Variants in ESS2 observed in about 807,000 individuals in gnomAD.
ESS2 encodes the protein ess-2 spliceosome associated protein, also known as splicing factor ESS-2 homolog.
A neutral mutation model predicts 52.0 loss-of-function variants in ESS2; 31 were observed. The ratio of observed to expected loss-of-function variants is 0.60; its 90% confidence interval spans 0.45 to 0.81. ESS2 has a LOEUF of 0.81. Ranked by LOEUF, ESS2 falls within the 30% of genes least tolerant of loss-of-function variation. ESS2 has a pLI of 0.00. For synonymous variants in ESS2, 285 were observed against 259.2 expected, an observed-to-expected ratio of 1.10 and a Z score of -0.95; for missense variants, 602 against 637.2, an observed-to-expected ratio of 0.94 and a Z score of 0.59.
In ESS2 at chr22:19,134,106, T is replaced by TG; in HGVS notation, c.*89dup. 7.3e-7 allele frequency: 1 copy of TG among 1,376,966 alleles called. No individual in the cohort carries two copies. The highest frequency in any genetic ancestry group is 9.4e-7 in the Non-Finnish European group (1 of 1,061,882). The allele number at this position is 1,376,966 out of a possible 1,614,324, so 85.3% of individuals were successfully genotyped here. A position where few individuals can be genotyped will look rare whatever the true frequency, so the allele number is the denominator to read the frequency against. The stretch of plus-strand genomic sequence containing the variant: ...TGGTCAACAGCTTCTGGCCCAGGCC[T>TG]GGGCCCCGAGAAGGCTGGAGTCCTC... On this transcript the variant is annotated 3_prime_UTR_variant, in exon 10 of 10. Transcript: ENST00000252137.
chr22:19,138,413 C>T (rs756141353), intron 6 of ESS2, 96 bp from the exon 7 acceptor site: 5 of 1,169,480 alleles, frequency 4.3e-6, no homozygotes, highest in Non-Finnish European at 6.3e-6. Flanking sequence ...GGAAACACTT[C>T]CTCTCCTCAG....
chr22:19,143,782 G>A (rs1479066576), intron 1 of ESS2, among the ~76,000 whole-genome samples: 1 of 152,180 alleles, frequency 6.6e-6, no homozygotes, highest in Non-Finnish European at 1.5e-5. Flanking sequence ...CTTGAACCCA[G>A]GAGGCAGAGG....
chr22:19,137,268 G>A, intron 8 of ESS2, 55 bp downstream of exon 8: 3 of 1,330,356 alleles, frequency 2.3e-6, no homozygotes, highest in Non-Finnish European at 2.1e-6. Context: ...AGGCACTCAG[G>A]GCTCCAGAGG....
In ESS2 at chr22:19,132,237, A is replaced by ACGT; in HGVS notation, c.*1956_*1958dup. On this transcript the variant is annotated 3_prime_UTR_variant, in exon 10 of 10. Coordinates refer to ENST00000252137, the MANE Select transcript of ESS2 (RefSeq NM_022719.3). This position sits in a 1 kb window ranked among gnomAD's most constrained non-coding sequence, Gnocchi z 4.2. The stretch of plus-strand genomic sequence containing the variant: ...GCTGCAGCCCCCCAAGCCCAAAGCC[A>ACGT]CGTCTTCTGCCTCCTTCAAGAGGGA... 6.2e-7 allele frequency: 1 copy of ACGT among 1,612,134 alleles called. No homozygotes were observed. The highest frequency in any genetic ancestry group is 8.5e-7 in the Non-Finnish European group (1 of 1,178,596).
Position 19,137,360 on chromosome 22 carries a change from G to GT in ESS2, c.997dup (p.Thr333AsnfsTer13). 1 of 1,613,750 alleles carries GT rather than the reference G, an allele frequency of 6.2e-7. No homozygotes were observed. Among genetic ancestry groups the GT allele is most frequent in the Non-Finnish European group, 8.5e-7 (1 of 1,179,834 alleles). ...GCCGGGTGTCCTGTCCACGTAGGGC[G>GT]TTTCCGACCCTTCAACTCTCAAGGG... On this transcript the variant is annotated frameshift_variant, in exon 8 of 10. Coordinates refer to ENST00000252137, the MANE Select transcript of ESS2 (RefSeq NM_022719.3). LOFTEE classifies it high-confidence loss of function.
intron 7 of ESS2, chr22:19,137,912 T>TA (rs1485501395): frequency 2.0e-6 from 2 of 985,182 alleles, no homozygotes; most frequent in Non-Finnish European, 2.4e-6. Context: ...TAGGTAGACT[T>TA]AGACTCATAA....
At chr22:19,138,744 A>G (rs1471895656) in intron 6 of ESS2, among the ~76,000 whole-genome samples, 1 of 152,150 alleles carries the variant, frequency 6.6e-6, no homozygotes. Flanking sequence ...ATCAGAGAGT[A>G]TCTACTCGTC....
Position 19,132,388 on chromosome 22 carries a change from A to C in ESS2, c.*1808T>G. The C allele has an allele frequency of 6.2e-7, 1 of 1,613,170 alleles. No homozygotes were observed. The highest frequency in any genetic ancestry group is 8.5e-7 in the Non-Finnish European group (1 of 1,179,996). On this transcript the variant is annotated 3_prime_UTR_variant, in exon 10 of 10. Coordinates refer to ENST00000252137, the MANE Select transcript of ESS2 (RefSeq NM_022719.3). This position sits in a 1 kb window ranked among gnomAD's most constrained non-coding sequence, Gnocchi z 4.2. The stretch of plus-strand genomic sequence containing the variant: ...CGGCTGCTGGTGGTGCCCGAGAACG[A>C]GAACAGGATGGAGGACAGGCTGGCC...
At chr22:19,143,775 G>C (rs947111370) in intron 1 of ESS2, among the ~76,000 whole-genome samples, 2 of 152,216 alleles carry the variant, frequency 1.3e-5, no homozygotes, top group Non-Finnish European at 2.9e-5. Context: ...AGAATGGCTT[G>C]AACCCAGGAG....
At chr22:19,141,282 A>C (rs925569820) in intron 3 of ESS2, among the ~76,000 whole-genome samples, 2 of 152,356 alleles carry the variant, frequency 1.3e-5, no homozygotes, top group Middle Eastern at 3.4e-3. Flanking sequence ...TGTTTGTGCA[A>C]ACACACAACA....
Position 19,132,046 on chromosome 22 carries a change from A to T in ESS2, c.*2150T>A. On this transcript the variant is annotated 3_prime_UTR_variant, in exon 10 of 10. Transcript: ENST00000252137. This position sits in a 1 kb window ranked among gnomAD's most constrained non-coding sequence, Gnocchi z 4.2. ...ATCATGGTCTGCGGCTCCATGCCCT[A>T]TGACGACTCCGACATCAGGAAGATG... 6 of 1,614,028 alleles carry T rather than the reference A, an allele frequency of 3.7e-6. No homozygotes were observed. The highest frequency in any genetic ancestry group is 5.1e-6 in the Non-Finnish European group (6 of 1,179,988).
In ESS2 at chr22:19,131,617, T is replaced by C; in HGVS notation, c.*2579A>G. Reference sequence around the variant, plus strand: ...GCAACTGTCAACCACGGCTCCATCATCAAGACTTACGAGATCTTTGAGACC... The same window carrying C: ...GCAACTGTCAACCACGGCTCCATCACCAAGACTTACGAGATCTTTGAGACC... On this transcript the variant is annotated 3_prime_UTR_variant, in exon 10 of 10. Transcript: ENST00000252137. The surrounding 1 kb of genome is among the most constrained non-coding windows in gnomAD (Gnocchi z 5.7). 1 of 1,614,078 alleles carries C rather than the reference T, an allele frequency of 6.2e-7. No homozygotes were observed. The highest frequency in any genetic ancestry group is 8.5e-7 in the Non-Finnish European group (1 of 1,180,012).
intron 3 of ESS2, 32 bp downstream of exon 3, chr22:19,142,506 C>T (rs777965031): frequency 1.9e-6 from 3 of 1,562,532 alleles, no homozygotes; most frequent in East Asian, 2.2e-5. Flanking sequence ...GCAATCCTGA[C>T]CATGTGACTT....
At position 19,139,159 on chromosome 22, in the gene ESS2, C is replaced by G; in HGVS notation, c.822G>C (p.Gln274His). 4 of 1,593,158 alleles carry G rather than the reference C, an allele frequency of 2.5e-6. No individual in the cohort carries two copies. The highest frequency in any genetic ancestry group is 3.4e-6 in the Non-Finnish European group (4 of 1,169,564). Residue 274 changes from glutamine (Q) to histidine (H), a missense_variant and splice_region_variant, in exon 6 of 10, where the codon CAG becomes CAC. By Grantham distance (24) the Gln-to-His change is conservative (BLOSUM62 0). Transcript: ENST00000252137. ...CGGCCCTGCTGACCCGCCTGCTCAC[C>G]TGGGCATTGAGGGCGGCTGCCTGCT... ...QLQQAAALNA[Q>H]HKQGKVGPDG...
Position 19,142,869 on chromosome 22 carries a change from T to C in ESS2, c.161A>G (p.Asp54Gly), listed in dbSNP as rs372370162. The C allele has an allele frequency of 1.4e-5, 23 of 1,613,606 alleles. No homozygotes were observed. Among genetic ancestry groups the C allele is most frequent in the Non-Finnish European group, 1.9e-5 (23 of 1,179,920 alleles). ...IEGLQTVIQR[D>G]FFPDVEKLQA... The stretch of plus-strand genomic sequence containing the variant: ...GAGCTTCTCCACATCAGGAAAGAAA[T>C]CCCTTTGGATGACCGTCTGGAGGCC... The change falls in exon 2 of 10, where the codon GAT (aspartate) becomes GGT (glycine). Residue 54 changes from aspartate to glycine, a missense_variant. By Grantham distance (94) the Asp-to-Gly change is moderately conservative (BLOSUM62 -1). Transcript: ENST00000252137.
intron 1 of ESS2, 61 bp from the exon 2 acceptor site, chr22:19,142,955 C>T: frequency 3.3e-6 from 5 of 1,529,000 alleles, no homozygotes; most frequent in African/African-American, 1.4e-5. Flanking sequence ...ACCTGTAATC[C>T]CAACACTTTG....
rs773947416 is a variant in ESS2, at chr22:19,142,789, G to C, written c.241C>G (p.Arg81Gly). Reference sequence around the variant, plus strand: ...GAGCCAAACTTGATGGCAATCTGGCGCATCCGTTCCAAGTCTCCATTCTCC... The same window carrying C: ...GAGCCAAACTTGATGGCAATCTGGCCCATCCGTTCCAAGTCTCCATTCTCC... ...AEENGDLERM[R>G]QIAIKFGSAL... Residue 81 changes from arginine (R) to glycine (G), a missense_variant, in exon 2 of 10, where the codon CGC becomes GGC. Physicochemically the swap from Arg to Gly is moderately radical, Grantham distance 125. Coordinates refer to ENST00000252137, the MANE Select transcript of ESS2 (RefSeq NM_022719.3). 1.2e-6 allele frequency: 2 copies of C among 1,614,148 alleles called. No individual in the cohort carries two copies. The highest frequency in any genetic ancestry group is 1.7e-6 in the Non-Finnish European group (2 of 1,180,032).
At chr22:19,143,661 G>A (rs2083733239) in intron 1 of ESS2, among the ~76,000 whole-genome samples, 1 of 151,978 alleles carries the variant, frequency 6.6e-6, no homozygotes, top group African/African-American at 2.4e-5. Context: ...TTCGAGACCA[G>A]CCTGGCCAAC....
chr22:19,136,683 T>C (rs541649062), intron 8 of ESS2, among the ~76,000 whole-genome samples: 2 of 152,248 alleles, frequency 1.3e-5, no homozygotes, highest in Admixed American at 1.3e-4. Flanking sequence ...CAGCACGGCA[T>C]CCTCTTCATT....
Sources: gnomAD v4.1 joint callset for allele counts (sites outside exome capture counted in the v4.1 genomes callset) on GRCh38, gnomAD v4.1.1 for gene constraint, Gnocchi (gnomAD v3.1) non-coding constraint, MANE v1.5 for transcripts, NCBI Gene and HGNC (gene_info 2026-07-23, HGNC 2026-07-21) for gene names.